The following FHIT variants were observed in gnomAD, a reference collection of about 807,000 sequenced individuals.
The protein encoded by FHIT is fragile histidine triad diadenosine triphosphatase.
A neutral mutation model predicts 17.9 loss-of-function variants in FHIT; 19 were observed. That is an observed-to-expected ratio of 1.06 (90% CI 0.74 to 1.56). The LOEUF is 1.56. Ranked by LOEUF, FHIT falls within the 40% of genes most tolerant of loss-of-function variation. The pLI is 0.00. For missense variants in FHIT, 248 were observed against 189.2 expected, an observed-to-expected ratio of 1.31 and a Z score of -1.82; for synonymous variants, 81 against 69.7, an observed-to-expected ratio of 1.16 and a Z score of -0.81.
At chr3:61,086,109 A>G (rs970743921) in intron 2 of FHIT, among the ~76,000 whole-genome samples, 12 of 152,248 alleles carry the variant, frequency 7.9e-5, no homozygotes, top group Admixed American at 3.9e-4. Context: ...CTGTCTCTCT[A>G]CATTCACCAG....
chr3:60,571,032 G>C (rs146638790), intron 4 of FHIT, among the ~76,000 whole-genome samples: 1 of 151,994 alleles, frequency 6.6e-6, no homozygotes, highest in African/African-American at 2.4e-5. Context: ...CTGTTATTAG[G>C]AACACTGAAT....
intron 7 of FHIT, among the ~76,000 whole-genome samples, chr3:59,956,439 G>T (rs1353471357): frequency 6.6e-5 from 10 of 152,200 alleles, no homozygotes; most frequent in Admixed American, 5.2e-4. Context: ...GGAGGCCGAG[G>T]CGGGCAGATC....
rs549431957 is a variant in FHIT, at chr3:60,902,349, A to G, written c.-110-80338T>C. Reference sequence around the variant, plus strand: ...GTAATTTATGCCTTTTTATTGCTGAATGGCATCCTATTTTATGGATATACC... The same window carrying G: ...GTAATTTATGCCTTTTTATTGCTGAGTGGCATCCTATTTTATGGATATACC... On this transcript the variant is annotated intron_variant, in intron 3 of 9. Transcript: ENST00000492590. 2.0e-5 allele frequency among the ~76,000 whole-genome samples: 3 copies of G among 152,326 alleles called. No homozygotes were observed. The East Asian group carries it at 5.8e-4, about 29-fold the overall frequency.
intron 7 of FHIT, among the ~76,000 whole-genome samples, chr3:59,981,450 C>A (rs1708650782): frequency 6.6e-6 from 1 of 152,130 alleles, no homozygotes. Context: ...TATTGCTGCC[C>A]TTGAACTGTG....
intron 5 of FHIT, among the ~76,000 whole-genome samples, chr3:60,063,618 T>C (rs1702381657): frequency 6.6e-6 from 1 of 152,222 alleles, no homozygotes; most frequent in Admixed American, 6.5e-5. Context: ...GAAGAGATTT[T>C]CCTTCTGTCT....
At chr3:60,202,106 C>T (rs554575228) in intron 5 of FHIT, among the ~76,000 whole-genome samples, 1 of 152,134 alleles carries the variant, frequency 6.6e-6, no homozygotes, top group Admixed American at 6.6e-5. Flanking sequence ...GAACAAAGTG[C>T]TATAATGTTA....
chr3:61,066,190 G>T (rs78103982), intron 2 of FHIT, among the ~76,000 whole-genome samples: 1 of 152,132 alleles, frequency 6.6e-6, no homozygotes, highest in African/African-American at 2.4e-5. Flanking sequence ...ATTTATTCAC[G>T]GGGGTAGATC....
intron 5 of FHIT, among the ~76,000 whole-genome samples, chr3:60,225,823 C>T (rs929384551): frequency 1.3e-5 from 2 of 152,084 alleles, no homozygotes; most frequent in East Asian, 1.9e-4. Context: ...GGGGCTGAGA[C>T]AGAATACAGC....
At chr3:60,628,775 C>A (rs548430666) in intron 4 of FHIT, among the ~76,000 whole-genome samples, 6 of 152,302 alleles carry the variant, frequency 3.9e-5, no homozygotes, top group African/African-American at 1.2e-4. Flanking sequence ...ACATTCCCCC[C>A]ACTGTTTCAA....
At chr3:61,136,291 T>C (rs1233719244) in intron 2 of FHIT, among the ~76,000 whole-genome samples, 1 of 147,002 alleles carries the variant, frequency 6.8e-6, no homozygotes, top group East Asian at 2.2e-4. Flanking sequence ...GTTTAGGCTG[T>C]AGAGGCTTGT....
chr3:61,037,509 T>A (rs893417030), intron 3 of FHIT, among the ~76,000 whole-genome samples: 1 of 152,200 alleles, frequency 6.6e-6, no homozygotes, highest in African/African-American at 2.4e-5. Flanking sequence ...AAAATATATA[T>A]AATTAGCACA....
intron 5 of FHIT, among the ~76,000 whole-genome samples, chr3:60,034,343 C>T (rs944383171): frequency 2.0e-5 from 3 of 152,212 alleles, no homozygotes; most frequent in Non-Finnish European, 2.9e-5. Flanking sequence ...CTTTTACTTA[C>T]TGAAAGGTCT....
intron 5 of FHIT, among the ~76,000 whole-genome samples, chr3:60,416,116 A>T (rs1273034335): frequency 6.6e-6 from 1 of 151,866 alleles, no homozygotes; most frequent in African/African-American, 2.4e-5. Flanking sequence ...CAATAAACAT[A>T]ACAAGATGGC....
At chr3:60,039,733 AT>A (rs1292052443) in intron 5 of FHIT, among the ~76,000 whole-genome samples, 1 of 152,244 alleles carries the variant, frequency 6.6e-6, no homozygotes, top group Non-Finnish European at 1.5e-5. Context: ...TGGGAAGATG[AT>A]GGTGGAAGAT....
At chr3:60,824,924 AT>A (rs1559751347) in intron 3 of FHIT, among the ~76,000 whole-genome samples, 1 of 152,184 alleles carries the variant, frequency 6.6e-6, no homozygotes, top group Admixed American at 6.5e-5. Context: ...AATCTCCAGT[AT>A]GTCTTTATCA....
chr3:59,928,123 C>CT (rs1024474956), intron 7 of FHIT, among the ~76,000 whole-genome samples: 1 of 152,192 alleles, frequency 6.6e-6, no homozygotes, highest in African/African-American at 2.4e-5. Context: ...TGTGTGAATC[C>CT]TTCTCCCTCA....
At position 61,101,362 on chromosome 3, in the gene FHIT, G is replaced by C. The variant is rs1012116757; in HGVS notation, c.-163-59263C>G. On this transcript the variant is annotated intron_variant, in intron 2 of 9. Coordinates refer to ENST00000492590, the MANE Select transcript of FHIT (RefSeq NM_002012.4). ...ATTTTGTCAGGTGTGTCAAAGATCA[G>C]ATGGTTGTAGATGTGTGGTGTTATT... is the stretch of plus-strand genomic sequence containing the variant. Among the ~76,000 whole-genome samples the C allele has an allele frequency of 2.6e-5, 4 of 152,288 alleles. No individual in the cohort carries two copies. In the South Asian group the frequency reaches 8.3e-4, roughly 32 times the overall value.
chr3:61,214,162 A>C (rs1450710652), intron 1 of FHIT, among the ~76,000 whole-genome samples: 2 of 152,234 alleles, frequency 1.3e-5, no homozygotes, highest in Non-Finnish European at 2.9e-5. Context: ...AAATCAGAGC[A>C]GAACTGAAGG....
At chr3:60,411,705 C>G (rs1702067758) in intron 5 of FHIT, among the ~76,000 whole-genome samples, 2 of 152,036 alleles carry the variant, frequency 1.3e-5, no homozygotes, top group African/African-American at 4.8e-5. Context: ...AAAAGTGTGC[C>G]AGATGGTTGT....
Sources: allele counts gnomAD v4.1 joint callset (sites outside exome capture counted in the v4.1 genomes callset), GRCh38; gene constraint gnomAD v4.1.1; transcripts MANE v1.5; gene names NCBI Gene and HGNC (gene_info 2026-07-23, HGNC 2026-07-21).